The following CDC42SE2 variants were observed in gnomAD, a reference collection of about 807,000 sequenced individuals.
The protein encoded by CDC42SE2 is CDC42 small effector protein 2.
Under a neutral mutation model 11.5 loss-of-function variants are expected in CDC42SE2, and 3 were observed. That is an observed-to-expected ratio of 0.26 (90% confidence interval 0.12 to 0.67). CDC42SE2 has a LOEUF of 0.67. Ranked by LOEUF, CDC42SE2 falls within the 30% of genes least tolerant of loss-of-function variation. CDC42SE2 has a pLI of 0.80. For missense variants in CDC42SE2, 82 were observed against 106.8 expected (o/e 0.77, Z 1.02); for synonymous variants, 33 against 34.8 (o/e 0.95, Z 0.18).
At chr5:131,223,699 G>A in the CDC42SE2 span, among the ~76,000 whole-genome samples, 929 of 152,166 alleles carry the variant, frequency 6.1e-3, 9 homozygotes, top group African/African-American at 0.021. Context: ...ATTATTTGTA[G>A]CATCTTTAAT....
intron 1 of CDC42SE2, among the ~76,000 whole-genome samples, chr5:131,300,855 G>A (rs1757663510): frequency 6.6e-6 from 1 of 151,648 alleles, no homozygotes; most frequent in Admixed American, 6.6e-5. Context: ...AAGGATGAAT[G>A]GTCATTCTAG....
At position 131,285,632 on chromosome 5, in the gene CDC42SE2, C is replaced by G. The variant is rs149272954; in HGVS notation, c.-455+21466C>G. ...CAGAGCTCCTTGCAAGAAACAAACT[C>G]TATTCTAGGATTTTTAGGCAGAAAG... On this transcript the variant is annotated intron_variant, in intron 1 of 4. Transcript: ENST00000505065. Among the ~76,000 whole-genome samples the G allele has an allele frequency of 4.1e-3, 628 of 152,234 alleles. 3 individuals are homozygous for G. The highest frequency in any genetic ancestry group is 0.013 in the African/African-American group (543 of 41,560).
chr5:131,267,208 C>T (rs961898381), intron 1 of CDC42SE2, among the ~76,000 whole-genome samples: 3 of 151,872 alleles, frequency 2.0e-5, no homozygotes, highest in Non-Finnish European at 4.4e-5. Context: ...GTGTGTGCCA[C>T]CACACCCGGC....
At chr5:131,307,823 A>C (rs563972112) in intron 1 of CDC42SE2, among the ~76,000 whole-genome samples, 188 of 152,246 alleles carry the variant, frequency 1.2e-3, no homozygotes, top group African/African-American at 4.3e-3. Flanking sequence ...GCCAGTGATG[A>C]TGAGCATTTT....
intron 1 of CDC42SE2, among the ~76,000 whole-genome samples, chr5:131,286,048 C>CTT (rs66827141): frequency 9.4e-5 from 12 of 127,234 alleles, no homozygotes; most frequent in Admixed American, 6.6e-4. Flanking sequence ...GGAAATGTAG[C>CTT]TTTTTTTTTT....
At chr5:131,245,166 G>T (rs1405216934), upstream of CDC42SE2, among the ~76,000 whole-genome samples, 1 of 152,168 alleles carries the variant, frequency 6.6e-6, no homozygotes, top group Non-Finnish European at 1.5e-5. Context: ...TCCCAAGGAG[G>T]AGGCAACAAA....
the CDC42SE2 span, among the ~76,000 whole-genome samples, chr5:131,232,734 C>CAAAAAA: frequency 4.0e-4 from 17 of 42,076 alleles, no homozygotes; most frequent in South Asian, 8.3e-4. Flanking sequence ...GACTCGGTCT[C>CAAAAAA]AAAAAAAAAA....
intron 2 of CDC42SE2, among the ~76,000 whole-genome samples, chr5:131,349,903 C>A (rs1758959898): frequency 1.3e-5 from 2 of 152,078 alleles, no homozygotes; most frequent in South Asian, 2.1e-4. Flanking sequence ...TTTTCTTAAT[C>A]TTTTTGCTTT....
intron 3 of CDC42SE2, among the ~76,000 whole-genome samples, chr5:131,370,516 T>C (rs1175556228): frequency 6.6e-6 from 1 of 150,580 alleles, no homozygotes; most frequent in African/African-American, 2.4e-5. Context: ...AGAGACAGGG[T>C]CTTGCTTTGT....
At chr5:131,263,099 ATTTTTTTT>A (rs370938077), upstream of CDC42SE2, among the ~76,000 whole-genome samples, 2 of 137,776 alleles carry the variant, frequency 1.5e-5, no homozygotes, top group African/African-American at 2.8e-5. Flanking sequence ...CACCAGGGTA[ATTTTTTTT>A]TTTTTTTTTT....
chr5:131,254,698 A>AGAC (rs72537011), intron 1 of CDC42SE2, among the ~76,000 whole-genome samples: 8 of 151,582 alleles, frequency 5.3e-5, no homozygotes, highest in African/African-American at 1.9e-4. Context: ...GAAAGAAAAA[A>AGAC]GCTTATGTAG....
chr5:131,267,078 C>T (rs1182520102), intron 1 of CDC42SE2, among the ~76,000 whole-genome samples: 2 of 122,862 alleles, frequency 1.6e-5, no homozygotes, highest in Admixed American at 1.9e-4. Flanking sequence ...TTTTTTGAAA[C>T]GGAGTCTTGC....
chr5:131,325,215 A>G (rs1758271132), intron 2 of CDC42SE2, among the ~76,000 whole-genome samples: 1 of 152,112 alleles, frequency 6.6e-6, no homozygotes, highest in Non-Finnish European at 1.5e-5. Context: ...AGAAGTGATA[A>G]TGATGCATTA....
At chr5:131,332,008 G>A (rs1236716901) in intron 2 of CDC42SE2, among the ~76,000 whole-genome samples, 1 of 152,068 alleles carries the variant, frequency 6.6e-6, no homozygotes, top group African/African-American at 2.4e-5. Context: ...GGGTACATGT[G>A]CACAACGTGC....
chr5:131,374,318 G>GACTT (rs1750089891), intron 3 of CDC42SE2, among the ~76,000 whole-genome samples: 1 of 152,050 alleles, frequency 6.6e-6, no homozygotes. Flanking sequence ...GCCAAGGCAG[G>GACTT]TGGATCACGA....
chr5:131,288,556 G>A (rs754464170), intron 1 of CDC42SE2, among the ~76,000 whole-genome samples: 2 of 152,084 alleles, frequency 1.3e-5, no homozygotes, highest in Non-Finnish European at 2.9e-5. Flanking sequence ...GTGCAGTGGT[G>A]CAGTCATACC....
At chr5:131,373,131 G>T (rs1750057468) in intron 3 of CDC42SE2, among the ~76,000 whole-genome samples, 2 of 152,218 alleles carry the variant, frequency 1.3e-5, no homozygotes, top group Admixed American at 1.3e-4. Context: ...GAGAGATATA[G>T]TTATCTCAAC....
At chr5:131,374,528 CAAAAA>C (rs11311226) in intron 3 of CDC42SE2, among the ~76,000 whole-genome samples, 2 of 70,598 alleles carry the variant, frequency 2.8e-5, no homozygotes, top group Non-Finnish European at 6.0e-5. Flanking sequence ...GAGACTGTCT[CAAAAA>C]AAAAAAAAAA....
chr5:131,390,662 G>C (rs959056973), intron 4 of CDC42SE2, among the ~76,000 whole-genome samples: 1 of 151,764 alleles, frequency 6.6e-6, no homozygotes, highest in South Asian at 2.1e-4. Flanking sequence ...GCAACAGAGC[G>C]AGACTGTCTT....
Sources: gnomAD v4.1 joint callset for allele counts (sites outside exome capture counted in the v4.1 genomes callset) on GRCh38, gnomAD v4.1.1 for gene constraint, MANE v1.5 for transcripts, NCBI Gene and HGNC (gene_info 2026-07-23, HGNC 2026-07-21) for gene names.